Variants in ARHGAP42 observed in about 807,000 individuals in gnomAD.
The protein encoded by ARHGAP42 is rho GTPase-activating protein 42.
A neutral mutation model predicts 125.0 loss-of-function variants in ARHGAP42; 63 were observed. The observed-to-expected ratio is 0.50, with a 90% CI of 0.41 to 0.62. The LOEUF (loss-of-function observed/expected upper bound fraction) is 0.62, where lower values mean the gene tolerates loss of function less well. Ranked by LOEUF, ARHGAP42 falls within the 20% of genes least tolerant of loss-of-function variation. The probability of loss-of-function intolerance (pLI) is 0.00; values close to 1 mark genes in which losing one functional copy is unlikely to be tolerated. For synonymous variants in ARHGAP42, 339 were observed against 351.0 expected, an observed-to-expected ratio of 0.97 and a Z score of 0.38; for missense variants, 766 against 1,024.2, an observed-to-expected ratio of 0.75 and a Z score of 3.44.
At chr11:100,732,987 C>T (rs868192240) in intron 1 of ARHGAP42, among the ~76,000 whole-genome samples, 1 of 152,204 alleles carries the variant, frequency 6.6e-6, no homozygotes. Context: ...CTTGTTAACA[C>T]ACTTCATATT....
At chr11:100,969,038 G>T (rs1320711911) in intron 17 of ARHGAP42, among the ~76,000 whole-genome samples, 1 of 152,048 alleles carries the variant, frequency 6.6e-6, no homozygotes, top group African/African-American at 2.4e-5. Context: ...TTATTGTGAT[G>T]CAGATCTGCT....
intron 2 of ARHGAP42, among the ~76,000 whole-genome samples, chr11:100,779,701 GTAAT>G (rs1863253965): frequency 6.6e-6 from 1 of 151,210 alleles, no homozygotes; most frequent in Admixed American, 6.6e-5. Flanking sequence ...ACACACATAT[GTAAT>G]TTTTACATGT....
intron 1 of ARHGAP42, among the ~76,000 whole-genome samples, chr11:100,751,023 C>A (rs915015411): frequency 1.7e-4 from 25 of 148,288 alleles, no homozygotes; most frequent in African/African-American, 5.0e-4. Context: ...ACTGCAACTT[C>A]TACCTCCCAG....
chr11:100,889,096 C>T (rs1413588405), intron 4 of ARHGAP42, among the ~76,000 whole-genome samples: 4 of 152,204 alleles, frequency 2.6e-5, no homozygotes, highest in Admixed American at 1.3e-4. Flanking sequence ...AAGTAGCACA[C>T]TCAGCGTGTC....
chr11:100,905,179 A>C (rs1230735292), intron 4 of ARHGAP42, among the ~76,000 whole-genome samples: 1 of 152,222 alleles, frequency 6.6e-6, no homozygotes, highest in Non-Finnish European at 1.5e-5. Flanking sequence ...GAAATCAATT[A>C]TTGAAGAATT....
At chr11:100,759,129 C>G (rs1396511716) in intron 1 of ARHGAP42, among the ~76,000 whole-genome samples, 1 of 152,058 alleles carries the variant, frequency 6.6e-6, no homozygotes, top group East Asian at 1.9e-4. Flanking sequence ...GTAAAAATGT[C>G]CGGACTGCTT....
chr11:100,877,372 C>T (rs981358271), intron 4 of ARHGAP42, among the ~76,000 whole-genome samples: 39 of 152,262 alleles, frequency 2.6e-4, no homozygotes, highest in South Asian at 2.1e-4. Flanking sequence ...AAGACTCCTA[C>T]GGGAAGCAAA....
At chr11:100,761,300 A>AGTCAAGAGTCTGAGGAAGAGAAAT (rs1862695869) in intron 1 of ARHGAP42, among the ~76,000 whole-genome samples, 1 of 152,208 alleles carries the variant, frequency 6.6e-6, no homozygotes, top group Admixed American at 6.5e-5. Context: ...AGTCCTCTGA[A>AGTCAAGAGTCTGAGGAAGAGAAAT]GTCAAGAGTC....
chr11:100,793,199 A>G (rs545547), intron 2 of ARHGAP42, among the ~76,000 whole-genome samples: 32,839 of 152,052 alleles, frequency 0.22, 4,116 homozygotes, highest in African/African-American at 0.35. Flanking sequence ...TCACCAACCA[A>G]CAGCTTCAGT....
chr11:100,857,755 G>A (rs1462983235), intron 3 of ARHGAP42, among the ~76,000 whole-genome samples: 1 of 151,924 alleles, frequency 6.6e-6, no homozygotes, highest in Non-Finnish European at 1.5e-5. Context: ...TACGCAATTT[G>A]TCATTGAGTC....
chr11:100,940,312 CAT>C (rs1257637594), intron 8 of ARHGAP42, among the ~76,000 whole-genome samples: 1 of 152,104 alleles, frequency 6.6e-6, no homozygotes, highest in African/African-American at 2.4e-5. Flanking sequence ...CCAGCAAAAA[CAT>C]GTGCATAGTA....
chr11:100,837,951 A>ATTTTATTTTATTTTATTTTATT (rs55861116), intron 3 of ARHGAP42, among the ~76,000 whole-genome samples: 14 of 150,540 alleles, frequency 9.3e-5, no homozygotes, highest in East Asian at 3.9e-4. Context: ...ATTTTATTTT[A>ATTTTATTTTATTTTATTTTATT]CTAGGAGACA....
chr11:100,734,284 A>T (rs1862020121), intron 1 of ARHGAP42, among the ~76,000 whole-genome samples: 2 of 147,976 alleles, frequency 1.4e-5, no homozygotes, highest in South Asian at 4.3e-4. Flanking sequence ...CTTTTTTAAA[A>T]TTTTTATTTT....
At chr11:100,924,743 T>C (rs1867373868) in intron 6 of ARHGAP42, among the ~76,000 whole-genome samples, 1 of 152,056 alleles carries the variant, frequency 6.6e-6, no homozygotes, top group Admixed American at 6.6e-5. Flanking sequence ...GTCTGACACA[T>C]GAACTAAAAG....
intron 3 of ARHGAP42, among the ~76,000 whole-genome samples, chr11:100,795,905 G>T (rs1863698834): frequency 6.6e-6 from 1 of 152,140 alleles, no homozygotes. Context: ...TACAGTGAGG[G>T]TTACAGACTT....
intron 1 of ARHGAP42, among the ~76,000 whole-genome samples, chr11:100,695,137 G>T (rs890967035): frequency 4.6e-5 from 7 of 152,208 alleles, no homozygotes; most frequent in Non-Finnish European, 1.0e-4. Flanking sequence ...ATAATGGCTG[G>T]CTTTTGTATA....
intron 4 of ARHGAP42, among the ~76,000 whole-genome samples, chr11:100,891,035 C>T (rs1342851871): frequency 6.6e-6 from 1 of 152,140 alleles, no homozygotes; most frequent in Non-Finnish European, 1.5e-5. Flanking sequence ...TTTCCTTATC[C>T]ACATGTAATT....
At chr11:100,705,321 G>A (rs1050958337) in intron 1 of ARHGAP42, among the ~76,000 whole-genome samples, 1 of 152,176 alleles carries the variant, frequency 6.6e-6, no homozygotes, top group African/African-American at 2.4e-5. Context: ...TGAAGATTTA[G>A]CCTTAACAGT....
At chr11:100,963,385 G>T (rs770933362) in intron 16 of ARHGAP42, among the ~76,000 whole-genome samples, 4 of 152,168 alleles carry the variant, frequency 2.6e-5, no homozygotes, top group Non-Finnish European at 5.9e-5. Flanking sequence ...GAAGTGCCAG[G>T]TACCATCTGA....
Sources: allele counts gnomAD v4.1 joint callset (sites outside exome capture counted in the v4.1 genomes callset), GRCh38; gene constraint gnomAD v4.1.1; transcripts MANE v1.5; gene names NCBI Gene and HGNC (gene_info 2026-07-23, HGNC 2026-07-21).